Variants in GSPT1 observed in about 807,000 individuals in gnomAD.
The protein encoded by GSPT1 is G1 to S phase transition 1.
Under a neutral mutation model 72.5 loss-of-function variants are expected in GSPT1, and 20 were observed. That is an observed-to-expected ratio of 0.28 (90% CI 0.19 to 0.40). GSPT1 has a LOEUF of 0.40. Ranked by LOEUF, GSPT1 falls within the 10% of genes least tolerant of loss-of-function variation. GSPT1 has a pLI of 1.00. For missense variants in GSPT1, 580 were observed against 811.9 expected, an observed-to-expected ratio of 0.71 and a Z score of 3.47; for synonymous variants, 334 against 293.5, an observed-to-expected ratio of 1.14 and a Z score of -1.41.
intron 7 of GSPT1, 91 bp from the exon 8 acceptor site, chr16:11,887,022 T>TTG: frequency 3.4e-6 from 1 of 294,754 alleles, no homozygotes. Context: ...ATATCACGAG[T>TTG]TTTTTTTTTT....
chr16:11,909,345 C>T (rs748722873), intron 1 of GSPT1, among the ~76,000 whole-genome samples: 1 of 152,136 alleles, frequency 6.6e-6, no homozygotes, highest in African/African-American at 2.4e-5. Flanking sequence ...CTACTGAAAA[C>T]AAGGCAGAAA....
At chr16:11,906,032 C>G (rs539035201) in intron 1 of GSPT1, among the ~76,000 whole-genome samples, 1 of 152,136 alleles carries the variant, frequency 6.6e-6, no homozygotes, top group African/African-American at 2.4e-5. Context: ...ACTGTGTTTT[C>G]CTTTGATTTT....
rs2141301991 is a variant in GSPT1, at chr16:11,896,646, T to C, written c.576A>G (p.Glu192=). ...EESAHEMMEE[E]EEIPKPKSVV... The stretch of plus-strand genomic sequence containing the variant: ...CAGACTTAGGTTTTGGGATTTCCTC[T>C]TCCTCCTCCATCATTTCATGGGCAC... The change falls in exon 4 of 15, where the codon GAA becomes GAG. Residue 192 remains glutamate, a synonymous_variant. Transcript: ENST00000434724. 6.2e-7 allele frequency: 1 copy of C among 1,609,838 alleles called. No individual in the cohort carries two copies. Among genetic ancestry groups the C allele is most frequent in the Non-Finnish European group, 8.5e-7 (1 of 1,177,912 alleles).
At chr16:11,902,192 C>A (rs536822258) in intron 1 of GSPT1, among the ~76,000 whole-genome samples, 15 of 151,350 alleles carry the variant, frequency 9.9e-5, no homozygotes, top group African/African-American at 3.4e-4. Flanking sequence ...ACCATCCTGG[C>A]TAACATGGTG....
In GSPT1 at chr16:11,869,194, ATTCT is replaced by A. The variant is rs1355423503; in HGVS notation, c.*3921_*3924del. The A allele has an allele frequency of 1.3e-5, 2 of 152,226 alleles. No individual in the cohort carries two copies. The highest frequency in any genetic ancestry group is 6.5e-5 in the Admixed American group (1 of 15,276). 9.4% of individuals were successfully genotyped at this position (152,226 alleles called of 1,614,324 possible). On this transcript the variant is annotated 3_prime_UTR_variant, in exon 15 of 15. Transcript: ENST00000434724. The stretch of plus-strand genomic sequence containing the variant: ...CTACTGGAAAATAAAAACACTTCCT[ATTCT>A]TTCTATTCCTATTCATTTACTATGA...
chr16:11,884,605 C>T (rs1251106826), intron 10 of GSPT1, among the ~76,000 whole-genome samples: 1 of 151,764 alleles, frequency 6.6e-6, no homozygotes, highest in Non-Finnish European at 1.5e-5. Context: ...ACTAAAAATA[C>T]AAAAAACAAT....
chr16:11,884,413 CT>C (rs767963157), intron 10 of GSPT1, among the ~76,000 whole-genome samples: 2 of 152,220 alleles, frequency 1.3e-5, no homozygotes, highest in Non-Finnish European at 2.9e-5. Context: ...TATGGTCTAT[CT>C]ATACCACTAA....
At chr16:11,899,240 A>C (rs1450933710) in intron 1 of GSPT1, among the ~76,000 whole-genome samples, 2 of 152,200 alleles carry the variant, frequency 1.3e-5, no homozygotes, top group Non-Finnish European at 2.9e-5. Flanking sequence ...GAGTCAAGAG[A>C]AAGTGTTTTG....
chr16:11,886,409 A>G lies in GSPT1; in HGVS notation c.1253+62T>C, dbSNP rs747997957. ...AACATGTTACTCAGCATATGTCTTT[A>G]TAAGTAATTTAAGTAATAACATCCT... On this transcript the variant is annotated intron_variant, in intron 9 of 14. Transcript: ENST00000434724. The G allele has an allele frequency of 2.4e-4, 267 of 1,103,224 alleles. 2 individuals carry two copies. Among genetic ancestry groups the G allele is most frequent in the South Asian group, 1.3e-3 (95 of 71,096 alleles). The allele number at this position is 1,103,224 out of a possible 1,614,324, so 68.3% of individuals were successfully genotyped here.
intron 1 of GSPT1, among the ~76,000 whole-genome samples, chr16:11,912,915 G>A (rs1019447626): frequency 6.6e-6 from 1 of 152,126 alleles, no homozygotes; most frequent in Non-Finnish European, 1.5e-5. Flanking sequence ...AGTTTTCAAA[G>A]AGATCCAAGG....
intron 1 of GSPT1, among the ~76,000 whole-genome samples, chr16:11,909,178 C>T (rs4781162): frequency 0.089 from 13,495 of 151,338 alleles, 1,149 homozygotes; most frequent in African/African-American, 0.19. Flanking sequence ...GTCAGGTGCT[C>T]GGGAAAGCCT....
intron 6 of GSPT1, among the ~76,000 whole-genome samples, chr16:11,888,312 A>G (rs546818531): frequency 6.6e-5 from 10 of 151,534 alleles, no homozygotes; most frequent in Non-Finnish European, 1.3e-4. Context: ...CTAAAAATAC[A>G]AAAGTTGGGC....
At chr16:11,892,851 A>AAAAG (rs2054286415) in intron 5 of GSPT1, among the ~76,000 whole-genome samples, 1 of 144,034 alleles carries the variant, frequency 6.9e-6, no homozygotes, top group Non-Finnish European at 1.5e-5. Flanking sequence ...AAAAAAAAAA[A>AAAAG]AAAAGAAAAG....
rs2053968784 is a variant in GSPT1 at position 11,870,714 on chromosome 16, T to C, written c.*2405A>G. On this transcript the variant is annotated 3_prime_UTR_variant, in exon 15 of 15. Transcript: ENST00000434724. ...AGATGAGAACAATTTTCAAAGCCCA[T>C]AGAACTTATGTTGCTGGTTAATTTT... is the stretch of plus-strand genomic sequence containing the variant. 5 of 152,222 alleles carry C rather than the reference T, an allele frequency of 3.3e-5. No homozygotes were observed. In the South Asian group the frequency reaches 1.0e-3, roughly 32 times the overall value. The allele number at this position is 152,222 out of a possible 1,614,324, so 9.4% of individuals were successfully genotyped here. A position where few individuals can be genotyped will look rare whatever the true frequency, so the allele number is the denominator to read the frequency against.
chr16:11,902,086 T>C (rs2054414538), intron 1 of GSPT1, among the ~76,000 whole-genome samples: 1 of 94,482 alleles, frequency 1.1e-5, no homozygotes, highest in African/African-American at 5.1e-5. Flanking sequence ...CGAAACTCCA[T>C]CTTAAAAAAA....
At chr16:11,890,958 C>A (rs913377829) in intron 6 of GSPT1, 104 bp downstream of exon 6, 10 of 620,558 alleles carry the variant, frequency 1.6e-5, no homozygotes, top group African/African-American at 1.1e-4. Context: ...TGTTGTGATA[C>A]GATTTTAGAC....
chr16:11,879,917 T>C (rs1342104286), intron 11 of GSPT1, among the ~76,000 whole-genome samples: 1 of 152,198 alleles, frequency 6.6e-6, no homozygotes, highest in African/African-American at 2.4e-5. Flanking sequence ...ATTTCAATAG[T>C]ACACCTAAAT....
chr16:11,899,230 G>C (rs117860984), intron 1 of GSPT1, among the ~76,000 whole-genome samples: 3 of 152,174 alleles, frequency 2.0e-5, no homozygotes, highest in Admixed American at 2.0e-4. Context: ...ATACCTGTAA[G>C]AGTCAAGAGA....
intron 6 of GSPT1, among the ~76,000 whole-genome samples, chr16:11,888,974 C>T (rs1253047161): frequency 6.6e-6 from 1 of 152,076 alleles, no homozygotes; most frequent in African/African-American, 2.4e-5. Context: ...GCACAAAATA[C>T]AACACAAATA....
Sources: allele counts gnomAD v4.1 joint callset (sites outside exome capture counted in the v4.1 genomes callset), GRCh38; gene constraint gnomAD v4.1.1; transcripts MANE v1.5; gene names NCBI Gene and HGNC (gene_info 2026-07-23, HGNC 2026-07-21).